Variants in UBE2L3 observed in about 807,000 individuals in gnomAD.
UBE2L3 encodes the protein ubiquitin-conjugating enzyme E2 L3.
UBE2L3 carries 1 observed loss-of-function variant against 17.8 expected under a neutral mutation model. The observed-to-expected ratio is 0.06, with a 90% CI of 0.02 to 0.27. The LOEUF is 0.27. UBE2L3 is among the 10% of genes least tolerant of loss of function. The pLI, the probability that UBE2L3 is intolerant of heterozygous loss-of-function variation, is 1.00. For missense variants in UBE2L3, 40 were observed against 192.6 expected, an observed-to-expected ratio of 0.21 and a Z score of 4.69; for synonymous variants, 44 against 68.5, an observed-to-expected ratio of 0.64 and a Z score of 1.76.
intron 1 of UBE2L3, chr22:21,568,085 G>T: frequency 8.4e-7 from 1 of 1,185,480 alleles, no homozygotes. Flanking sequence ...TGAGGGCGTC[G>T]TTAATGTGAG....
chr22:21,591,689 G>T (rs73166630), intron 1 of UBE2L3, among the ~76,000 whole-genome samples: 1,780 of 152,130 alleles, frequency 0.012, 39 homozygotes, highest in African/African-American at 0.04. Context: ...GGGCTGATAG[G>T]GAGCCCCCAA....
chr22:21,614,739 T>G, intron 3 of UBE2L3: 1 of 950,814 alleles, frequency 1.1e-6, no homozygotes, highest in Non-Finnish European at 1.5e-6. Context: ...TAGCTATATC[T>G]ACCCAAGAGA....
At chr22:21,564,245 G>C (rs571613461), upstream of UBE2L3, among the ~76,000 whole-genome samples, 1 of 151,932 alleles carries the variant, frequency 6.6e-6, no homozygotes, top group Non-Finnish European at 1.5e-5. Context: ...TGTTGCCCAG[G>C]ATGGTCTCAA....
chr22:21,601,264 G>T (rs1205851816), intron 2 of UBE2L3, among the ~76,000 whole-genome samples: 1 of 152,000 alleles, frequency 6.6e-6, no homozygotes, highest in Non-Finnish European at 1.5e-5. Flanking sequence ...CATATTCCAT[G>T]TTCAGAAGTC....
intron 3 of UBE2L3, among the ~76,000 whole-genome samples, chr22:21,620,007 A>G (rs1929970726): frequency 2.6e-5 from 4 of 152,146 alleles, no homozygotes; most frequent in Admixed American, 2.0e-4. Flanking sequence ...TAATAAAGGA[A>G]TTGACCAGGT....
chr22:21,556,000 G>A (rs111484676), intron 1 of UBE2L3, among the ~76,000 whole-genome samples: 4,300 of 151,832 alleles, frequency 0.028, 104 homozygotes, highest in African/African-American at 0.099. Flanking sequence ...TTTGGGAGGC[G>A]GGGATGGGTG....
intron 3 of UBE2L3, among the ~76,000 whole-genome samples, chr22:21,613,593 T>C (rs1451640643): frequency 6.6e-6 from 1 of 152,204 alleles, no homozygotes. Context: ...GACGGCCACA[T>C]TCCCATGTTT....
intron 1 of UBE2L3, among the ~76,000 whole-genome samples, chr22:21,591,149 AAGAGGGGCCTCATGCAGGTGG>A (rs1302449527): frequency 6.6e-6 from 1 of 152,180 alleles, no homozygotes; most frequent in Non-Finnish European, 1.5e-5. Context: ...TATGCAGGGA[AAGAGGGGCCTCATGCAGGTGG>A]AGAGGGGCCA....
chr22:21,573,621 G>A (rs115577448), intron 1 of UBE2L3, among the ~76,000 whole-genome samples: 2 of 152,142 alleles, frequency 1.3e-5, no homozygotes, highest in Non-Finnish European at 2.9e-5. Context: ...CTTTAAGCAC[G>A]AGTAGGGTTT....
In UBE2L3 at chr22:21,583,746, T is replaced by G. The variant is rs572995586; in HGVS notation, c.28-9115T>G. Among the ~76,000 whole-genome samples, 3 of 152,318 alleles carry G rather than the reference T, an allele frequency of 2.0e-5. No individual in the cohort carries two copies. The South Asian group carries it at 6.2e-4, about 32-fold the overall frequency. On this transcript the variant is annotated intron_variant, in intron 1 of 3. Transcript: ENST00000342192. ...CCGAGTCAGGGGGGCTTAGACCACG[T>G]GAAGGTAGCATTAAAGAGTTTGGCA...
At chr22:21,579,719 C>T (rs117568184) in intron 1 of UBE2L3, among the ~76,000 whole-genome samples, 2,406 of 152,094 alleles carry the variant, frequency 0.016, 36 homozygotes, top group Non-Finnish European at 0.024. Context: ...TGCAGTGAGC[C>T]GTGATCATGC....
At chr22:21,582,589 G>A (rs1028053261) in intron 1 of UBE2L3, among the ~76,000 whole-genome samples, 9 of 151,848 alleles carry the variant, frequency 5.9e-5, no homozygotes, top group South Asian at 2.1e-4. Flanking sequence ...GCAATGGCGC[G>A]ATCTCGGCTC....
In UBE2L3 at chr22:21,552,959, C is replaced by T. The variant is rs1425848610; in HGVS notation, c.201+3309C>T. ...CCAGGATGGTCTTGATCTCCTGACC[C>T]TGTTGATCTGCCCGCCTCGGCCTCA... On this transcript the variant is annotated intron_variant, in intron 1 of 3. Transcript: ENST00000458578. Among the ~76,000 whole-genome samples the T allele has an allele frequency of 7.5e-3, 352 of 47,174 alleles. 5 individuals are homozygous for T. The highest frequency in any genetic ancestry group is 0.014 in the African/African-American group (94 of 6,558). The allele number at this position is 47,174 out of a possible 152,430, so 30.9% of individuals were successfully genotyped here. A position where few individuals can be genotyped will look rare whatever the true frequency, so the allele number is the denominator to read the frequency against.
chr22:21,621,211 G>A (rs1378918032), intron 3 of UBE2L3, among the ~76,000 whole-genome samples: 2 of 152,224 alleles, frequency 1.3e-5, no homozygotes, highest in Non-Finnish European at 2.9e-5. Context: ...GGGAGTGACT[G>A]AGGGCTAAGA....
At chr22:21,575,653 TTTTTTTG>T (rs1292196406) in intron 1 of UBE2L3, among the ~76,000 whole-genome samples, 34 of 78,520 alleles carry the variant, frequency 4.3e-4, no homozygotes, top group African/African-American at 7.4e-4. Context: ...TTTTTTTTTT[TTTTTTTG>T]GAGACGGAGT....
chr22:21,605,849 G>T (rs1240045114), intron 2 of UBE2L3, among the ~76,000 whole-genome samples: 1 of 152,086 alleles, frequency 6.6e-6, no homozygotes, highest in Non-Finnish European at 1.5e-5. Flanking sequence ...TGTCACCCAG[G>T]CTAGAGTGTA....
chr22:21,555,132 A>G (rs1469531947), intron 1 of UBE2L3: 2 of 150,220 alleles, frequency 1.3e-5, no homozygotes, highest in East Asian at 1.9e-4. Context: ...TTGGAAATAT[A>G]GAACTGCTGG....
chr22:21,594,192 G>A (rs964147602), intron 2 of UBE2L3, among the ~76,000 whole-genome samples: 1 of 152,166 alleles, frequency 6.6e-6, no homozygotes. Context: ...TGTGCCTGCC[G>A]CTGTCCTGTA....
chr22:21,556,706 C>T (rs1265267660), intron 1 of UBE2L3, among the ~76,000 whole-genome samples: 1 of 151,746 alleles, frequency 6.6e-6, no homozygotes, highest in Non-Finnish European at 1.5e-5. Context: ...GAGCAATCCA[C>T]CTGCCTCGGC....
Sources: gnomAD v4.1 joint callset for allele counts (sites outside exome capture counted in the v4.1 genomes callset) on GRCh38, gnomAD v4.1.1 for gene constraint, MANE v1.5 for transcripts, NCBI Gene and HGNC (gene_info 2026-07-23, HGNC 2026-07-21) for gene names.